The following DNAH5 variants were observed in gnomAD, a reference collection of about 807,000 sequenced individuals.
The protein encoded by DNAH5 is dynein axonemal heavy chain 5, also known as axonemal beta dynein heavy chain 5.
A neutral mutation model predicts 518.2 loss-of-function variants in DNAH5; 372 were observed. That is an observed-to-expected ratio of 0.72 (90% CI 0.66 to 0.78). DNAH5 has a LOEUF of 0.78. DNAH5 is among the 30% of genes least tolerant of loss of function. DNAH5 has a pLI of 0.00. For missense variants in DNAH5, 5,523 were observed against 5,687.0 expected (o/e 0.97, Z 0.93); for synonymous variants, 2,039 against 2,025.9 (o/e 1.01, Z -0.17).
Position 13,876,691 on chromosome 5 carries a change from G to A in DNAH5, c.3389C>T (p.Thr1130Ile). 1 of 1,612,992 alleles carries A rather than the reference G, an allele frequency of 6.2e-7. No homozygotes were observed. The highest frequency in any genetic ancestry group is 8.5e-7 in the Non-Finnish European group (1 of 1,179,600). ...VSVLSTIINS[T>I]KKEVITSMDC... ...CAGACCCTCTTGACATACCTTTTTG[G>A]TGGAGTTGATAATTGTGCTAAGCAC... The change falls in exon 22 of 79, where the codon ACC (threonine) becomes ATC (isoleucine). Residue 1130 changes from threonine to isoleucine, a missense_variant. Thr to Ile is a moderately conservative substitution (Grantham distance 89). Coordinates refer to ENST00000265104, the MANE Select transcript of DNAH5 (RefSeq NM_001369.3).
chr5:13,787,640 C>A (rs1756275657), intron 51 of DNAH5, among the ~76,000 whole-genome samples: 1 of 146,770 alleles, frequency 6.8e-6, no homozygotes, highest in African/African-American at 2.5e-5. Flanking sequence ...CCTTGAAAAT[C>A]ATAATCTGAT....
intron 21 of DNAH5, among the ~76,000 whole-genome samples, chr5:13,877,282 TCAAA>T (rs1475630843): frequency 1.3e-5 from 2 of 152,170 alleles, no homozygotes; most frequent in Non-Finnish European, 2.9e-5. Flanking sequence ...AAAGCCCTGT[TCAAA>T]CAGTTTATTT....
chr5:13,777,457 G>A, intron 53 of DNAH5, 102 bp from the exon 54 acceptor site: 1 of 1,025,502 alleles, frequency 9.8e-7, no homozygotes. Context: ...AAAAAATGCT[G>A]ATTTTGTTCT....
chr5:14,007,091 G>C lies in DNAH5; in HGVS notation c.12+4557C>G, dbSNP rs571111500. ...CAGCTCCACCCAGGCGAGGACTCTTGTCTGTTTCTTCCCTGACATATCCTC... is the reference window on the plus strand; with the variant it reads ...CAGCTCCACCCAGGCGAGGACTCTTCTCTGTTTCTTCCCTGACATATCCTC... On this transcript the variant is annotated intron_variant, in intron 1 of 78. Coordinates refer to the DNAH5 transcript ENST00000681290. 2.0e-5 allele frequency among the ~76,000 whole-genome samples: 3 copies of C among 152,332 alleles called. No individual in the cohort carries two copies. The East Asian group carries it at 5.8e-4, about 29-fold the overall frequency.
chr5:13,728,093 CAT>C lies in DNAH5; in HGVS notation c.11884-439_11884-438del, dbSNP rs1455755104. Among the ~76,000 whole-genome samples, 8 of 152,150 alleles carry C rather than the reference CAT, an allele frequency of 5.3e-5. No individual in the cohort carries two copies. In the East Asian group the frequency reaches 5.8e-4, roughly 11 times the overall value. ...CTGACCCAAAAGAAGACATTTAACA[CAT>C]GTTTATTATTGAATGAACAGCTTTT... On this transcript the variant is annotated intron_variant, in intron 69 of 78. Coordinates refer to ENST00000265104, the MANE Select transcript of DNAH5 (RefSeq NM_001369.3).
chr5:13,970,346 T>C (rs1781785402), intron 1 of DNAH5, among the ~76,000 whole-genome samples: 1 of 152,182 alleles, frequency 6.6e-6, no homozygotes, highest in Admixed American at 6.5e-5. Context: ...ATTGCCTGAA[T>C]ACCTCATTGG....
chr5:13,877,235 A>G (rs541815957), intron 21 of DNAH5, among the ~76,000 whole-genome samples: 5 of 152,136 alleles, frequency 3.3e-5, no homozygotes, highest in Non-Finnish European at 5.9e-5. Context: ...AGCTCCATAG[A>G]ATTCTCACTC....
chr5:13,833,906 G>A (rs1171311249), intron 35 of DNAH5, among the ~76,000 whole-genome samples: 1 of 152,174 alleles, frequency 6.6e-6, no homozygotes. Context: ...CTGTCCACAT[G>A]GCATTGAGCT....
intron 1 of DNAH5, among the ~76,000 whole-genome samples, chr5:14,002,448 G>A (rs2582692): frequency 0.72 from 108,825 of 151,932 alleles, 39,183 homozygotes; most frequent in South Asian, 0.8. Flanking sequence ...TTTTGAGGCT[G>A]AGTTTACATA....
In DNAH5 at chr5:13,841,872, T is replaced by G. The variant is rs1466009087; in HGVS notation, c.5304A>C (p.Gln1768His). Reference sequence around the variant, plus strand: ...TATCCAATTCAATCGTCTCACCCTCTTGAGAGGAAATTGACAGAATTCGAT... The same window carrying G: ...TATCCAATTCAATCGTCTCACCCTCGTGAGAGGAAATTGACAGAATTCGAT... ...IYDRILSISS[Q>H]EGETIELDKP... The change falls in exon 33 of 79, where the codon CAA becomes CAC. Residue 1768 changes from glutamine (Q) to histidine (H), a missense_variant. Gln to His is a conservative substitution (Grantham distance 24). Around this residue, in one of 3 missense-constraint regions of DNAH5, gnomAD observed 5,121 missense variants for 5,223.3 expected, o/e 0.98. Coordinates refer to ENST00000265104, the MANE Select transcript of DNAH5 (RefSeq NM_001369.3). 19 of 1,601,620 alleles carry G rather than the reference T, an allele frequency of 1.2e-5. No homozygotes were observed. Among genetic ancestry groups the G allele is most frequent in the Non-Finnish European group, 1.6e-5 (19 of 1,175,690 alleles).
chr5:13,940,338 A>G (rs1466450217), intron 1 of DNAH5, among the ~76,000 whole-genome samples: 1 of 152,172 alleles, frequency 6.6e-6, no homozygotes, highest in Non-Finnish European at 1.5e-5. Context: ...AATGCCTCTC[A>G]TGTAGAATTT....
intron 65 of DNAH5, among the ~76,000 whole-genome samples, chr5:13,740,185 C>G (rs1748239675): frequency 1.3e-5 from 2 of 152,098 alleles, no homozygotes; most frequent in East Asian, 3.9e-4. Context: ...GATTCAGAAT[C>G]TAATCATTTC....
At chr5:13,938,090 C>T (rs760873140) in intron 1 of DNAH5, among the ~76,000 whole-genome samples, 10 of 152,174 alleles carry the variant, frequency 6.6e-5, no homozygotes, top group Non-Finnish European at 8.8e-5. Context: ...AATCTCATGC[C>T]GTCCAAATCC....
intron 31 of DNAH5, among the ~76,000 whole-genome samples, chr5:13,847,993 T>C (rs183685761): frequency 1.3e-5 from 2 of 152,300 alleles, no homozygotes; most frequent in African/African-American, 4.8e-5. Context: ...TTTCTCGTTC[T>C]CTCTGACCTG....
Position 13,894,683 on chromosome 5 carries a change from C to T in DNAH5, c.2398G>A (p.Glu800Lys). The change falls in exon 16 of 79, where the codon GAG (glutamate) becomes AAG (lysine). Residue 800 changes from glutamate (E) to lysine (K), a missense_variant. Physicochemically the swap from Glu to Lys is moderately conservative, Grantham distance 56. Transcript: ENST00000265104. The part of the protein sequence containing the change: ...AALTWTSLNI[E>K]AYLENTFAKI... The stretch of plus-strand genomic sequence containing the variant: ...GCAAAAGTGTTTTCTAAATAAGCCT[C>T]AATATTCAGTGATGTCCAGGTCAGT... 1 of 1,614,042 alleles carries T rather than the reference C, an allele frequency of 6.2e-7. No homozygotes were observed.
chr5:13,694,315 A>G (rs1165135231), intron 78 of DNAH5, among the ~76,000 whole-genome samples: 1 of 152,244 alleles, frequency 6.6e-6, no homozygotes, highest in Admixed American at 6.5e-5. Flanking sequence ...GCCAAGTCAC[A>G]GCGTGCAGCA....
chr5:13,713,177 A>G (rs1282022534), intron 75 of DNAH5, among the ~76,000 whole-genome samples: 2 of 148,116 alleles, frequency 1.4e-5, no homozygotes, highest in Non-Finnish European at 3.0e-5. Context: ...ACATATATAT[A>G]TATATACGGA....
At position 13,691,983 on chromosome 5, in the gene DNAH5, G is replaced by A; in HGVS notation, c.*1C>T. ...CATTGGGTGGGGACACTCCCCACAT[G>A]TTACTTGACATCACACAGAAGGGCA... is the stretch of plus-strand genomic sequence containing the variant. On this transcript the variant is annotated 3_prime_UTR_variant, in exon 79 of 79. Transcript: ENST00000265104. 1 of 1,614,098 alleles carries A rather than the reference G, an allele frequency of 6.2e-7. No homozygotes were observed. Among genetic ancestry groups the A allele is most frequent in the Non-Finnish European group, 8.5e-7 (1 of 1,179,970 alleles).
At chr5:13,859,891 T>C (rs1170562248) in intron 29 of DNAH5, among the ~76,000 whole-genome samples, 1 of 152,136 alleles carries the variant, frequency 6.6e-6, no homozygotes, top group East Asian at 1.9e-4. Context: ...TCCAGGGTAA[T>C]ATAATTACCC....
Sources: gnomAD v4.1 joint callset for allele counts (sites outside exome capture counted in the v4.1 genomes callset) on GRCh38, gnomAD v4.1.1 for gene constraint, gnomAD v4.1.1 regional missense constraint, MANE v1.5 for transcripts, NCBI Gene and HGNC (gene_info 2026-07-23, HGNC 2026-07-21) for gene names.